LIPC: variants seen among roughly 807,000 people sequenced by gnomAD.
LIPC encodes the protein lipase C, hepatic type, also known as hepatic triacylglycerol lipase.
LIPC carries 44 observed loss-of-function variants against 50.7 expected under a neutral mutation model. The observed-to-expected ratio is 0.87, with a 90% CI of 0.68 to 1.11. The LOEUF (loss-of-function observed/expected upper bound fraction) is 1.11, where lower values mean the gene tolerates loss of function less well. Ranked by LOEUF, LIPC falls within the 50% of genes most tolerant of loss-of-function variation. The probability of loss-of-function intolerance (pLI) is 0.00; values close to 1 mark genes in which losing one functional copy is unlikely to be tolerated. For missense variants in LIPC, 697 were observed against 648.2 expected (o/e 1.08, Z -0.82); for synonymous variants, 271 against 256.4 (o/e 1.06, Z -0.54).
intron 1 of LIPC, among the ~76,000 whole-genome samples, chr15:58,432,662 G>A (rs112539397): frequency 3.0e-4 from 45 of 152,302 alleles, no homozygotes; most frequent in African/African-American, 7.7e-4. Flanking sequence ...TCCAACAGCC[G>A]TCCTGCCTGT....
intron 1 of LIPC, among the ~76,000 whole-genome samples, chr15:58,518,670 G>A (rs1892556118): frequency 6.6e-6 from 1 of 152,210 alleles, no homozygotes; most frequent in African/African-American, 2.4e-5. Flanking sequence ...ATACCACAAC[G>A]TGGATGAATC....
At chr15:58,492,508 C>T (rs1330970756) in intron 1 of LIPC, among the ~76,000 whole-genome samples, 2 of 152,130 alleles carry the variant, frequency 1.3e-5, no homozygotes, top group Non-Finnish European at 2.9e-5. Flanking sequence ...CATTGAATTT[C>T]GTTTTACAAA....
At chr15:58,457,483 G>A (rs888897441) in intron 1 of LIPC, among the ~76,000 whole-genome samples, 10 of 152,226 alleles carry the variant, frequency 6.6e-5, no homozygotes, top group Non-Finnish European at 1.3e-4. Flanking sequence ...CCCCGTTTAC[G>A]ATATGCCACT....
intron 1 of LIPC, among the ~76,000 whole-genome samples, chr15:58,526,682 A>G (rs1892809582): frequency 2.0e-5 from 3 of 152,210 alleles, no homozygotes; most frequent in Admixed American, 2.0e-4. Flanking sequence ...GTGGATAAGT[A>G]CCCACAAATA....
At chr15:58,451,046 C>T (rs1290609164) in intron 1 of LIPC, among the ~76,000 whole-genome samples, 1 of 152,160 alleles carries the variant, frequency 6.6e-6, no homozygotes, top group Non-Finnish European at 1.5e-5. Flanking sequence ...TAGGAAGAAT[C>T]ATGGTTTACT....
intron 1 of LIPC, among the ~76,000 whole-genome samples, chr15:58,533,693 C>G (rs1392560130): frequency 6.6e-6 from 1 of 152,134 alleles, no homozygotes; most frequent in Admixed American, 6.5e-5. Flanking sequence ...ATTTATGTAA[C>G]ATGATCTCAA....
chr15:58,517,829 C>T (rs183026903), intron 1 of LIPC, among the ~76,000 whole-genome samples: 5 of 152,272 alleles, frequency 3.3e-5, no homozygotes, highest in African/African-American at 9.6e-5. Context: ...TGACAACAAG[C>T]GTGTAAGTAA....
At position 58,503,606 on chromosome 15, in the gene LIPC, T is replaced by G. The variant is rs534361020; in HGVS notation, c.89-34727T>G. ...TGTCTCAGCACCAGCACATCAACCTTCCAATTCACCAACTCACTCCAGGGA... is the reference window on the plus strand; with the variant it reads ...TGTCTCAGCACCAGCACATCAACCTGCCAATTCACCAACTCACTCCAGGGA... On this transcript the variant is annotated intron_variant, in intron 1 of 8. Transcript: ENST00000299022. 5.3e-5 allele frequency among the ~76,000 whole-genome samples: 8 copies of G among 152,248 alleles called. No homozygotes were observed. In the South Asian group the frequency reaches 1.5e-3, roughly 28 times the overall value.
chr15:58,548,602 G>T lies in LIPC; in HGVS notation c.1051+30G>T, dbSNP rs760190499. 2.2e-5 allele frequency: 35 copies of T among 1,577,336 alleles called. No homozygotes were observed. The South Asian group carries it at 3.8e-4, about 17-fold the overall frequency. On this transcript the variant is annotated intron_variant, in intron 6 of 8. Transcript: ENST00000299022. ...GTGTGGAGCTGGGGAGCCTTCAGAA[G>T]GGCAGGATGCAGTCCCCTGTCCAAA...
chr15:58,469,256 C>T (rs1273474128), intron 1 of LIPC, among the ~76,000 whole-genome samples: 1 of 152,018 alleles, frequency 6.6e-6, no homozygotes, highest in Non-Finnish European at 1.5e-5. Context: ...GCCTCAGCCT[C>T]CCAAAGCACT....
rs1432806301 is a variant in LIPC, at chr15:58,457,330, AAACT to A, written c.88+25211_88+25214del. Among the ~76,000 whole-genome samples the A allele has an allele frequency of 3.9e-5, 6 of 152,288 alleles. No homozygotes were observed. The East Asian group carries it at 1.2e-3, about 29-fold the overall frequency. The stretch of plus-strand genomic sequence containing the variant: ...TCTCCACTTTGGTCATGCTGGTCTC[AAACT>A]CCCGACCTCAGGTGATCTGCCCGCT... On this transcript the variant is annotated intron_variant, in intron 1 of 8. Transcript: ENST00000299022.
intron 1 of LIPC, among the ~76,000 whole-genome samples, chr15:58,465,156 A>G (rs1241304548): frequency 6.6e-6 from 1 of 152,200 alleles, no homozygotes; most frequent in African/African-American, 2.4e-5. Context: ...GAACCAGGGG[A>G]AAAAGAAGAT....
At chr15:58,455,527 A>G (rs1894080108) in intron 1 of LIPC, among the ~76,000 whole-genome samples, 2 of 152,242 alleles carry the variant, frequency 1.3e-5, no homozygotes, top group South Asian at 4.1e-4. Context: ...CCAGTGCTCA[A>G]AAACAATGAT....
intron 1 of LIPC, among the ~76,000 whole-genome samples, chr15:58,504,777 A>T (rs1013894214): frequency 1.3e-5 from 2 of 152,220 alleles, no homozygotes; most frequent in Non-Finnish European, 2.9e-5. Context: ...AGACAGCAGC[A>T]CACGTGGAGA....
intron 1 of LIPC, among the ~76,000 whole-genome samples, chr15:58,536,523 G>C (rs906914496): frequency 6.6e-6 from 1 of 152,124 alleles, no homozygotes; most frequent in Non-Finnish European, 1.5e-5. Flanking sequence ...CAGGATTCTA[G>C]GGATATTTAG....
intron 1 of LIPC, among the ~76,000 whole-genome samples, chr15:58,442,041 C>G (rs1893524833): frequency 6.6e-6 from 1 of 152,002 alleles, no homozygotes; most frequent in South Asian, 2.1e-4. Context: ...TAGTCTCTCC[C>G]AAAGGGACTT....
chr15:58,530,767 C>A (rs1347222309), intron 1 of LIPC, among the ~76,000 whole-genome samples: 1 of 152,210 alleles, frequency 6.6e-6, no homozygotes, highest in African/African-American at 2.4e-5. Flanking sequence ...ACAGTTTGTA[C>A]CCTTTTAAAT....
chr15:58,456,747 T>A (rs1381125083), intron 1 of LIPC, among the ~76,000 whole-genome samples: 2 of 152,236 alleles, frequency 1.3e-5, no homozygotes, highest in East Asian at 3.8e-4. Context: ...ATCACATTCA[T>A]AAAGGCAACA....
chr15:58,437,875 A>G (rs1470274509), intron 1 of LIPC, among the ~76,000 whole-genome samples: 1 of 152,184 alleles, frequency 6.6e-6, no homozygotes, highest in Non-Finnish European at 1.5e-5. Context: ...CCTCCCATCC[A>G]TGGCCATCCT....
Sources: allele counts gnomAD v4.1 joint callset (sites outside exome capture counted in the v4.1 genomes callset), GRCh38; gene constraint gnomAD v4.1.1; transcripts MANE v1.5; gene names NCBI Gene and HGNC (gene_info 2026-07-23, HGNC 2026-07-21).